Variants in PDCD11 observed in about 807,000 individuals in gnomAD.
PDCD11 encodes the protein protein RRP5 homolog.
In PDCD11, 97 loss-of-function variants were observed where a neutral mutation model predicts 198.9. The observed-to-expected ratio is 0.49, with a 90% confidence interval of 0.41 to 0.58. PDCD11 has a LOEUF of 0.58. PDCD11 is among the 20% of genes least tolerant of loss of function. The probability of loss-of-function intolerance (pLI) is 0.00; values close to 1 mark genes in which losing one functional copy is unlikely to be tolerated. For synonymous variants in PDCD11, 893 were observed against 918.0 expected (o/e 0.97, Z 0.49); for missense variants, 2,102 against 2,312.7 (o/e 0.91, Z 1.87).
intron 16 of PDCD11, among the ~76,000 whole-genome samples, chr10:103,420,355 A>T (rs1163412007): frequency 6.6e-6 from 1 of 152,146 alleles, no homozygotes; most frequent in Non-Finnish European, 1.5e-5. Flanking sequence ...ATCCTGAGCT[A>T]CTGAGTACAG....
chr10:103,440,630 C>G, intron 29 of PDCD11, 49 bp downstream of exon 29: 1 of 1,609,430 alleles, frequency 6.2e-7, no homozygotes, highest in Non-Finnish European at 8.5e-7. Flanking sequence ...CCTGGAGGGA[C>G]AGCCATGAGG....
intron 8 of PDCD11, among the ~76,000 whole-genome samples, chr10:103,412,819 A>T (rs1213673761): frequency 1.3e-5 from 2 of 152,120 alleles, no homozygotes; most frequent in Non-Finnish European, 2.9e-5. Context: ...GCTGGTCTCT[A>T]ACTCCTGAGC....
At chr10:103,418,170 G>A (rs556145340) in intron 14 of PDCD11, among the ~76,000 whole-genome samples, 7 of 152,240 alleles carry the variant, frequency 4.6e-5, no homozygotes, top group East Asian at 3.9e-4. Flanking sequence ...CTTTCCTCTC[G>A]GGTCCCTAGG....
chr10:103,429,063 C>G (rs987032310), intron 21 of PDCD11, among the ~76,000 whole-genome samples: 1 of 152,134 alleles, frequency 6.6e-6, no homozygotes, highest in African/African-American at 2.4e-5. Context: ...TTTGACTTAA[C>G]GGAGGAATTA....
chr10:103,414,272 C>G lies in PDCD11; in HGVS notation c.1313C>G (p.Ser438Cys), dbSNP rs764068413. 6.2e-7 allele frequency: 1 copy of G among 1,613,400 alleles called. No homozygotes were observed. The highest frequency in any genetic ancestry group is 1.1e-5 in the South Asian group (1 of 91,062). Residue 438 changes from serine to cysteine, a missense_variant and splice_region_variant, in exon 11 of 36, where the codon TCT becomes TGT. Coordinates refer to ENST00000369797, the MANE Select transcript of PDCD11 (RefSeq NM_014976.2). ...DELALLSLRT[S>C]IIEAQYLRYH... ...TCTGTGTTTTCTCCTTGTCCTAGGT[C>G]TATTATTGAAGCTCAGTACCTTAGA...
Position 103,423,555 on chromosome 10 carries a change from A to C in PDCD11, c.2660A>C (p.Glu887Ala), listed in dbSNP as rs2031553178. 6.2e-7 allele frequency: 1 copy of C among 1,613,280 alleles called. No homozygotes were observed. Among genetic ancestry groups the C allele is most frequent in the Non-Finnish European group, 8.5e-7 (1 of 1,179,212 alleles). ...TTCTGCACTGCAGGGCAGGAGGTGG[A>C]ATCTGGGCAGAAAAAGAAGGTTGTT... ...SRYHRAGQEV[E>A]SGQKKKVVIL... Residue 887 changes from glutamate (E) to alanine (A), a missense_variant, in exon 19 of 36, where the codon GAA becomes GCA. Transcript: ENST00000369797.
chr10:103,437,314 AAAG>A (rs1220909035), intron 25 of PDCD11, among the ~76,000 whole-genome samples: 1 of 151,626 alleles, frequency 6.6e-6, no homozygotes, highest in African/African-American at 2.4e-5. Context: ...GCTTTTTAAA[AAAG>A]TTTTTTTATA....
intron 34 of PDCD11, 146 bp from the exon 35 acceptor site, chr10:103,444,371 C>T (rs1158331229): frequency 6.5e-6 from 5 of 770,790 alleles, no homozygotes; most frequent in Non-Finnish European, 1.1e-5. Flanking sequence ...CAAACCCACC[C>T]CTTTTGGGTC....
intron 33 of PDCD11, 130 bp from the exon 34 acceptor site, chr10:103,443,785 A>T: frequency 1.1e-6 from 1 of 896,532 alleles, no homozygotes; most frequent in South Asian, 1.6e-5. Context: ...TCAGGTCTCT[A>T]GCATTAGGCC....
rs573978933 is a variant in PDCD11 at position 103,423,225 on chromosome 10, T to TA, written c.2647+89dup. On this transcript the variant is annotated intron_variant, in intron 18 of 35. Transcript: ENST00000369797. ...CCTGGATATAGAATTTCTAAATACT[T>TA]ACGGTAGGTGAGTTGATTCGGTAGA... is the stretch of plus-strand genomic sequence containing the variant. 1.4e-4 allele frequency: 193 copies of TA among 1,332,690 alleles called. No individual in the cohort carries two copies. The African/African-American group carries it at 2.7e-3, about 18-fold the overall frequency. The allele number at this position is 1,332,690 out of a possible 1,614,324, so 82.6% of individuals were successfully genotyped here.
intron 21 of PDCD11, among the ~76,000 whole-genome samples, chr10:103,431,639 TA>T (rs35327241): frequency 7.4e-5 from 11 of 149,194 alleles, no homozygotes; most frequent in South Asian, 2.1e-4. Flanking sequence ...CTCATTTTAT[TA>T]AAAAAAAAAA....
At chr10:103,411,218 G>A (rs930804219) in intron 8 of PDCD11, among the ~76,000 whole-genome samples, 5 of 151,964 alleles carry the variant, frequency 3.3e-5, no homozygotes, top group African/African-American at 1.2e-4. Context: ...CCCTGGCTCC[G>A]CTCGTATTTA....
chr10:103,416,296 A>T (rs1266141595), intron 12 of PDCD11, among the ~76,000 whole-genome samples, 195 bp from the exon 13 acceptor site: 2 of 152,228 alleles, frequency 1.3e-5, no homozygotes, highest in African/African-American at 4.8e-5. Context: ...GAGGAATTAC[A>T]TTTGAAATAG....
chr10:103,440,097 A>G (rs2032314653), intron 28 of PDCD11, among the ~76,000 whole-genome samples, 193 bp from the exon 29 acceptor site: 1 of 152,232 alleles, frequency 6.6e-6, no homozygotes, highest in Non-Finnish European at 1.5e-5. Context: ...GGGGCATCAC[A>G]TCTACCCCCT....
chr10:103,440,890 C>T, intron 30 of PDCD11, 40 bp downstream of exon 30: 1 of 1,420,576 alleles, frequency 7.0e-7, no homozygotes, highest in Non-Finnish European at 9.8e-7. Context: ...CTGCTCCAGG[C>T]AAGGGAAGAG....
chr10:103,403,055 C>T, intron 3 of PDCD11, 63 bp from the exon 4 acceptor site: 1 of 1,485,512 alleles, frequency 6.7e-7, no homozygotes. Context: ...GAAGCCAGAC[C>T]TTCCAACCTT....
chr10:103,428,950 T>C (rs1033380077), intron 21 of PDCD11, among the ~76,000 whole-genome samples: 1 of 152,222 alleles, frequency 6.6e-6, no homozygotes, highest in Non-Finnish European at 1.5e-5. Flanking sequence ...GTACTGTGAC[T>C]TGTTTTAATC....
At position 103,405,905 on chromosome 10, in the gene PDCD11, G is replaced by A. The variant is rs968120053; in HGVS notation, c.565-80G>A. 1.8e-5 allele frequency: 27 copies of A among 1,468,976 alleles called. No individual in the cohort carries two copies. The Middle Eastern group carries it at 1.2e-3, about 67-fold the overall frequency. 91.0% of individuals were successfully genotyped at this position (1,468,976 alleles called of 1,614,324 possible). ...GTGGCAGAGTGTGAGCTTAGTGGCA[G>A]GAACATTCAAGTTTGGATGTTTTGT... On this transcript the variant is annotated intron_variant, in intron 5 of 35. Coordinates refer to ENST00000369797, the MANE Select transcript of PDCD11 (RefSeq NM_014976.2).
chr10:103,416,758 G>GT lies in PDCD11; in HGVS notation c.1770+16_1770+17insT, dbSNP rs1181761017. Reference sequence around the variant, plus strand: ...CACTGGCCAGGTAACCCTTCCCCTAGACAGGTCCCCTTTACCCTTGGTGAC... The same window carrying GT: ...CACTGGCCAGGTAACCCTTCCCCTAGTACAGGTCCCCTTTACCCTTGGTGAC... On this transcript the variant is annotated intron_variant, in intron 13 of 35. Coordinates refer to ENST00000369797, the MANE Select transcript of PDCD11 (RefSeq NM_014976.2). The GT allele has an allele frequency of 1.2e-6, 2 of 1,610,500 alleles. No individual in the cohort carries two copies. The highest frequency in any genetic ancestry group is 3.3e-5 in the Admixed American group (2 of 59,964).
Sources: gnomAD v4.1 joint callset for allele counts (sites outside exome capture counted in the v4.1 genomes callset) on GRCh38, gnomAD v4.1.1 for gene constraint, MANE v1.5 for transcripts, NCBI Gene and HGNC (gene_info 2026-07-23, HGNC 2026-07-21) for gene names.